The following ITGA11 variants were observed in gnomAD, a reference collection of about 807,000 sequenced individuals.
ITGA11 encodes integrin alpha-11.
ITGA11 carries 97 observed loss-of-function variants against 141.9 expected under a neutral mutation model. That is an observed-to-expected ratio of 0.68 (90% CI 0.58 to 0.81). The LOEUF (loss-of-function observed/expected upper bound fraction) is 0.81, where lower values mean the gene tolerates loss of function less well. ITGA11 is among the 30% of genes least tolerant of loss of function. ITGA11 has a pLI of 0.00. For synonymous variants in ITGA11, 658 were observed against 624.6 expected (o/e 1.05, Z -0.80); for missense variants, 1,387 against 1,559.2 (o/e 0.89, Z 1.86).
At chr15:68,417,663 C>T (rs956500156) in intron 1 of ITGA11, among the ~76,000 whole-genome samples, 4 of 152,146 alleles carry the variant, frequency 2.6e-5, no homozygotes, top group Admixed American at 2.6e-4. Flanking sequence ...GATTTGCTTT[C>T]TCACTTACTA....
At chr15:68,331,590 G>T (rs1894158198) in intron 14 of ITGA11, among the ~76,000 whole-genome samples, 1 of 151,598 alleles carries the variant, frequency 6.6e-6, no homozygotes, top group South Asian at 2.1e-4. Flanking sequence ...TGAGGGTCAG[G>T]TGCCAGGGAC....
At position 68,321,422 on chromosome 15, in the gene ITGA11, C is replaced by A; in HGVS notation, c.2404G>T (p.Ala802Ser). ...GGGTGGAAGGAGCCAACTCACATGGCCGTGGGCAGGTCACTCCGGGCATCC... is the reference window on the plus strand; with the variant it reads ...GGGTGGAAGGAGCCAACTCACATGGACGTGGGCAGGTCACTCCGGGCATCC... ...VLDARSDLPT[A>S]MEYCQRVLRK... is the part of the protein sequence containing the mutation. The change falls in exon 19 of 30, where the codon GCC (alanine) becomes TCC (serine). Residue 802 changes from alanine to serine, a missense_variant. Coordinates refer to ENST00000315757, the MANE Select transcript of ITGA11 (RefSeq NM_001004439.2). This position sits in a 1 kb window ranked among gnomAD's most constrained non-coding sequence, Gnocchi z 4.9. 6.3e-7 allele frequency: 1 copy of A among 1,578,372 alleles called. No homozygotes were observed. The highest frequency in any genetic ancestry group is 1.2e-5 in the South Asian group (1 of 86,688).
chr15:68,392,967 A>C (rs576799130), intron 2 of ITGA11, among the ~76,000 whole-genome samples: 1 of 152,244 alleles, frequency 6.6e-6, no homozygotes, highest in Non-Finnish European at 1.5e-5. Flanking sequence ...ATTATAATTA[A>C]TGTGTTAAAG....
chr15:68,349,985 T>C (rs1215430451), intron 9 of ITGA11, among the ~76,000 whole-genome samples: 1 of 152,162 alleles, frequency 6.6e-6, no homozygotes, highest in Non-Finnish European at 1.5e-5. Context: ...CTGTATCTTA[T>C]TTTTGCGAAA....
rs374135573 is a variant in ITGA11 at position 68,348,855 on chromosome 15, G to A, written c.1106C>T (p.Thr369Met). Residue 369 changes from threonine to methionine, a missense_variant, in exon 10 of 30, where the codon ACG (threonine) becomes ATG (methionine). Physicochemically the swap from Thr to Met is moderately conservative, Grantham distance 81. Transcript: ENST00000315757. The stretch of plus-strand genomic sequence containing the variant: ...CTCCACCACGTGCGAGGAAAAGCCC[G>A]TCTGTGACATCTCCAGCCCAAAGGA... ...ETSFGLEMSQTGFSSHVVEDG... is the reference protein window; with the variant it reads ...ETSFGLEMSQMGFSSHVVEDG... The A allele has an allele frequency of 5.9e-5, 95 of 1,609,392 alleles. 1 individual carries two copies. The highest frequency in any genetic ancestry group is 5.5e-4 in the Admixed American group (33 of 59,514).
intron 2 of ITGA11, 61 bp downstream of exon 2, chr15:68,402,857 G>T (rs1595893141): frequency 8.6e-7 from 1 of 1,167,946 alleles, no homozygotes; most frequent in Non-Finnish European, 1.3e-6. Context: ...ACAGGGGCAG[G>T]ATGGAGGGGG....
At chr15:68,316,443 C>T (rs763861628) in intron 21 of ITGA11, among the ~76,000 whole-genome samples, 8 of 152,354 alleles carry the variant, frequency 5.3e-5, no homozygotes, top group South Asian at 4.1e-4. Flanking sequence ...GAGACCTCAG[C>T]GGCCCCTTCT....
Position 68,361,243 on chromosome 15 carries a change from T to A in ITGA11, c.472+347A>T, listed in dbSNP as rs781160978. The stretch of plus-strand genomic sequence containing the variant: ...GCCATTCATATGTCTAAGTGAACAA[T>A]TCCCCCAGAATTGTGCAGTGCACAG... On this transcript the variant is annotated intron_variant, in intron 5 of 29. Coordinates refer to ENST00000315757, the MANE Select transcript of ITGA11 (RefSeq NM_001004439.2). 3.0e-4 allele frequency among the ~76,000 whole-genome samples: 45 copies of A among 152,286 alleles called. No homozygotes were observed. In the Middle Eastern group the frequency reaches 0.02, roughly 69 times the overall value.
At chr15:68,349,112 C>T (rs978506871) in intron 9 of ITGA11, among the ~76,000 whole-genome samples, 1 of 152,234 alleles carries the variant, frequency 6.6e-6, no homozygotes, top group Non-Finnish European at 1.5e-5. Context: ...CACACACCTT[C>T]CAGGTGCCCA....
rs142182120 is a variant in ITGA11 at position 68,303,960 on chromosome 15, G to T, written c.3382-75C>A. ...GGTGGCAGTCTGGGAGGGGCAGGAG[G>T]GTGGAGACAGCTGGCACCTGGTGGG... On this transcript the variant is annotated intron_variant, in intron 28 of 29. Transcript: ENST00000315757. This position sits in a 1 kb window ranked among gnomAD's most constrained non-coding sequence, Gnocchi z 5.3. 1,114 of 900,376 alleles carry T rather than the reference G, an allele frequency of 1.2e-3. 11 individuals carry two copies. In the African/African-American group the frequency reaches 0.017, roughly 14 times the overall value. 55.8% of individuals were successfully genotyped at this position (900,376 alleles called of 1,614,324 possible).
chr15:68,306,335 G>A (rs902734460), intron 28 of ITGA11, among the ~76,000 whole-genome samples: 4 of 152,020 alleles, frequency 2.6e-5, no homozygotes, highest in Non-Finnish European at 5.9e-5. Flanking sequence ...CTGTGTGTGT[G>A]AGCAGGGTAT....
chr15:68,401,536 G>GA (rs1896510578), intron 2 of ITGA11, among the ~76,000 whole-genome samples: 1 of 152,202 alleles, frequency 6.6e-6, no homozygotes, highest in Non-Finnish European at 1.5e-5. Context: ...ATGGAAGCAT[G>GA]AAGTATGGTT....
At chr15:68,330,694 C>A (rs1057373666) in intron 15 of ITGA11, among the ~76,000 whole-genome samples, 1 of 152,014 alleles carries the variant, frequency 6.6e-6, no homozygotes, top group African/African-American at 2.4e-5. Flanking sequence ...CTTGCCCCTG[C>A]GAGTGTTATA....
intron 23 of ITGA11, 36 bp from the exon 24 acceptor site, chr15:68,312,899 G>A: frequency 6.8e-7 from 1 of 1,467,802 alleles, no homozygotes; most frequent in Non-Finnish European, 9.5e-7. Flanking sequence ...CGTGAGCTCA[G>A]TCAGGGCTGG....
chr15:68,326,666 G>T lies in ITGA11; in HGVS notation c.2199C>A (p.Asn733Lys). Residue 733 changes from asparagine (N) to lysine (K), a missense_variant, in exon 17 of 30, where the codon AAC (asparagine) becomes AAA (lysine). Transcript: ENST00000315757. This position sits in a 1 kb window ranked among gnomAD's most constrained non-coding sequence, Gnocchi z 6.8. ...GCTGCCAGCTTACCAGGACATGGAA[G>T]TTGATCCGCTCACAGAGCTCCTGGC... is the stretch of plus-strand genomic sequence containing the variant. The part of the protein sequence containing the change: ...SSGQELCERI[N>K]FHVLDTADYV... 2 of 1,591,684 alleles carry T rather than the reference G, an allele frequency of 1.3e-6. No individual in the cohort carries two copies. The highest frequency in any genetic ancestry group is 1.7e-6 in the Non-Finnish European group (2 of 1,169,386).
chr15:68,415,140 C>T (rs1896859389), intron 1 of ITGA11, among the ~76,000 whole-genome samples: 1 of 152,196 alleles, frequency 6.6e-6, no homozygotes, highest in South Asian at 2.1e-4. Flanking sequence ...GGCCTTATCC[C>T]CCTGCCTTTC....
intron 1 of ITGA11, among the ~76,000 whole-genome samples, chr15:68,425,310 A>T (rs1897118377): frequency 6.6e-6 from 1 of 152,130 alleles, no homozygotes; most frequent in Non-Finnish European, 1.5e-5. Flanking sequence ...CCATCTAGAA[A>T]TTCTTAGTAA....
intron 2 of ITGA11, among the ~76,000 whole-genome samples, chr15:68,397,558 TATAAA>T (rs570387919): frequency 0.026 from 272 of 10,456 alleles, 7 homozygotes; most frequent in Middle Eastern, 0.12. Context: ...TTTAAAATAT[TATAAA>T]ATATTTAAAA....
intron 21 of ITGA11, among the ~76,000 whole-genome samples, chr15:68,316,063 T>G (rs1296903279): frequency 6.6e-6 from 1 of 152,164 alleles, no homozygotes; most frequent in Non-Finnish European, 1.5e-5. Context: ...TCTGCAGGGT[T>G]TTTAGGGTAG....
Sources: allele counts gnomAD v4.1 joint callset (sites outside exome capture counted in the v4.1 genomes callset), GRCh38; gene constraint gnomAD v4.1.1; non-coding constraint Gnocchi (gnomAD v3.1); transcripts MANE v1.5; gene names NCBI Gene and HGNC (gene_info 2026-07-23, HGNC 2026-07-21).